Variants in POU6F2 observed in about 807,000 individuals in gnomAD.
POU6F2 encodes the protein POU class 6 homeobox 2, also known as POU domain, class 6, transcription factor 2.
POU6F2 carries 31 observed loss-of-function variants against 71.3 expected under a neutral mutation model. The ratio of observed to expected loss-of-function variants is 0.43; its 90% CI spans 0.33 to 0.59. The LOEUF is 0.59. POU6F2 is among the 20% of genes least tolerant of loss of function. The pLI is 0.04. For missense variants in POU6F2, 783 were observed against 856.8 expected, an observed-to-expected ratio of 0.91 and a Z score of 1.07; for synonymous variants, 347 against 355.7, an observed-to-expected ratio of 0.98 and a Z score of 0.27.
chr7:39,111,756 A>ATGT (rs1791818874), intron 2 of POU6F2, among the ~76,000 whole-genome samples: 1 of 152,188 alleles, frequency 6.6e-6, no homozygotes, highest in Admixed American at 6.5e-5. Context: ...TTACAATTAT[A>ATGT]TCACGCAAGG....
chr7:39,459,065 A>G (rs920845849), intron 8 of POU6F2, among the ~76,000 whole-genome samples: 2 of 152,060 alleles, frequency 1.3e-5, no homozygotes, highest in Non-Finnish European at 2.9e-5. Flanking sequence ...CCAACCCCCT[A>G]TAGACTGTAA....
At chr7:39,227,432 T>G (rs978165164) in intron 4 of POU6F2, among the ~76,000 whole-genome samples, 1 of 152,100 alleles carries the variant, frequency 6.6e-6, no homozygotes, top group Non-Finnish European at 1.5e-5. Context: ...ACTACAGAGG[T>G]GCTTCTCAGG....
intron 4 of POU6F2, among the ~76,000 whole-genome samples, chr7:39,286,774 A>G (rs948836523): frequency 2.6e-5 from 4 of 151,944 alleles, no homozygotes; most frequent in Admixed American, 1.3e-4. Context: ...CATCATCATC[A>G]TTATTAGAGA....
At chr7:39,270,156 C>T (rs934628240) in intron 4 of POU6F2, among the ~76,000 whole-genome samples, 5 of 152,104 alleles carry the variant, frequency 3.3e-5, no homozygotes, top group South Asian at 2.1e-4. Context: ...CAAATTCCAG[C>T]GGGGGAGACC....
intron 4 of POU6F2, among the ~76,000 whole-genome samples, chr7:39,306,619 G>A (rs1785053014): frequency 6.6e-6 from 1 of 152,128 alleles, no homozygotes; most frequent in African/African-American, 2.4e-5. Flanking sequence ...TTGCCTTCGA[G>A]TTTTTAGGTC....
In POU6F2 at chr7:39,467,256, T is replaced by C. The variant is rs1789093276; in HGVS notation, c.*2570T>C. The C allele has an allele frequency of 6.6e-6, 1 of 152,226 alleles. No individual in the cohort carries two copies. The highest frequency in any genetic ancestry group is 1.9e-4 in the East Asian group (1 of 5,204). 9.4% of individuals were successfully genotyped at this position (152,226 alleles called of 1,614,324 possible). ...GCTTCTTATATTAATTTTTTACAGA[T>C]AAATTTTTTGCTACAAGGCATAAAA... On this transcript the variant is annotated 3_prime_UTR_variant, in exon 10 of 10. Transcript: ENST00000518318.
chr7:39,348,079 C>T (rs1786065404), intron 5 of POU6F2, among the ~76,000 whole-genome samples: 1 of 144,352 alleles, frequency 6.9e-6, no homozygotes, highest in Non-Finnish European at 1.6e-5. Context: ...TGGGAGAAGA[C>T]AGTTGTTACA....
chr7:39,168,645 C>T (rs978142807), intron 2 of POU6F2, among the ~76,000 whole-genome samples: 27 of 152,196 alleles, frequency 1.8e-4, no homozygotes, highest in Admixed American at 1.4e-3. Flanking sequence ...GGTGGTTGTC[C>T]GATACAGGCT....
At chr7:39,300,856 C>T (rs1194328413) in intron 4 of POU6F2, among the ~76,000 whole-genome samples, 5 of 117,152 alleles carry the variant, frequency 4.3e-5, no homozygotes, top group African/African-American at 1.3e-4. Context: ...TTCTGAGAGT[C>T]CTGGGGGTTA....
Position 39,165,180 on chromosome 7 carries a change from G to A in POU6F2, c.278-39055G>A, listed in dbSNP as rs188282845. Among the ~76,000 whole-genome samples, 85 of 152,192 alleles carry A rather than the reference G, an allele frequency of 5.6e-4. 2 individuals carry two copies. The East Asian group carries it at 0.016, about 28-fold the overall frequency. Reference sequence around the variant, plus strand: ...GATAATCTAATGCCCTTGATTAAAAGGCAACTACACTCCCCCCAGCCCCTC... The same window carrying A: ...GATAATCTAATGCCCTTGATTAAAAAGCAACTACACTCCCCCCAGCCCCTC... On this transcript the variant is annotated intron_variant, in intron 2 of 9. Transcript: ENST00000518318.
Position 39,063,143 on chromosome 7 carries a change from T to C in POU6F2, c.106-22717T>C, listed in dbSNP as rs143890503. 2.8e-3 allele frequency among the ~76,000 whole-genome samples: 424 copies of C among 152,292 alleles called. 1 individual carries two copies. Among genetic ancestry groups the C allele is most frequent in the Non-Finnish European group, 5.1e-3 (346 of 68,016 alleles). ...AAACATTATTATGAATGCTCTATAA[T>C]AGCAAGCCTGTAAATATGATTTACG... On this transcript the variant is annotated intron_variant, in intron 1 of 9. Coordinates refer to ENST00000518318, the MANE Select transcript of POU6F2 (RefSeq NM_001370959.1).
chr7:39,003,955 T>C (rs1788985930), intron 1 of POU6F2, among the ~76,000 whole-genome samples: 1 of 152,194 alleles, frequency 6.6e-6, no homozygotes, highest in Non-Finnish European at 1.5e-5. Flanking sequence ...AACCAAACTT[T>C]CGGCAGTGAT....
intron 1 of POU6F2, among the ~76,000 whole-genome samples, chr7:38,980,007 G>A (rs1388549552): frequency 1.3e-5 from 2 of 152,074 alleles, no homozygotes; most frequent in Non-Finnish European, 2.9e-5. Context: ...CAGATAGTAG[G>A]CTTAACTTCT....
At chr7:39,094,287 A>G (rs1333992344) in intron 2 of POU6F2, among the ~76,000 whole-genome samples, 1 of 152,134 alleles carries the variant, frequency 6.6e-6, no homozygotes, top group African/African-American at 2.4e-5. Flanking sequence ...TATAGAAAAT[A>G]TATGTATTTT....
At chr7:39,137,818 T>G (rs1166827697) in intron 2 of POU6F2, among the ~76,000 whole-genome samples, 1 of 152,202 alleles carries the variant, frequency 6.6e-6, no homozygotes, top group African/African-American at 2.4e-5. Flanking sequence ...CTGTGCATAT[T>G]GATCTTCCCA....
chr7:39,350,295 G>A (rs1044050036), intron 5 of POU6F2, among the ~76,000 whole-genome samples: 1 of 151,908 alleles, frequency 6.6e-6, no homozygotes, highest in South Asian at 2.1e-4. Flanking sequence ...TTGATGTTGT[G>A]ACTGTGGCGT....
At chr7:39,260,549 C>CAT (rs143692558) in intron 4 of POU6F2, among the ~76,000 whole-genome samples, 57,489 of 149,678 alleles carry the variant, frequency 0.38, 11,198 homozygotes, top group South Asian at 0.55. Context: ...GTTCCACACA[C>CAT]ACCACATTCC....
intron 4 of POU6F2, among the ~76,000 whole-genome samples, chr7:39,252,661 T>G (rs1562764190): frequency 6.6e-6 from 1 of 152,200 alleles, no homozygotes; most frequent in African/African-American, 2.4e-5. Flanking sequence ...CCTAACAGCC[T>G]CTGCTTTTTT....
intron 5 of POU6F2, among the ~76,000 whole-genome samples, chr7:39,386,002 C>T (rs1786931892): frequency 6.6e-6 from 1 of 151,796 alleles, no homozygotes; most frequent in Admixed American, 6.6e-5. Context: ...CCTATAGTCC[C>T]AGCTACTCGA....
Sources: gnomAD v4.1 joint callset for allele counts (sites outside exome capture counted in the v4.1 genomes callset) on GRCh38, gnomAD v4.1.1 for gene constraint, MANE v1.5 for transcripts, NCBI Gene and HGNC (gene_info 2026-07-23, HGNC 2026-07-21) for gene names.